The following B3GALT1 variants were observed in gnomAD, a reference collection of about 807,000 sequenced individuals.
B3GALT1 encodes the protein beta-1,3-galactosyltransferase 1.
A neutral mutation model predicts 23.2 loss-of-function variants in B3GALT1; 10 were observed. The ratio of observed to expected loss-of-function variants is 0.43; its 90% CI spans 0.27 to 0.73. The LOEUF is 0.73. Ranked by LOEUF, B3GALT1 falls within the 30% of genes least tolerant of loss-of-function variation. The pLI is 0.21. For missense variants in B3GALT1, 299 were observed against 405.4 expected, an observed-to-expected ratio of 0.74 and a Z score of 2.25; for synonymous variants, 156 against 141.5, an observed-to-expected ratio of 1.10 and a Z score of -0.73.
At chr2:167,624,409 C>T (rs1482203204) in intron 2 of B3GALT1, among the ~76,000 whole-genome samples, 1 of 152,050 alleles carries the variant, frequency 6.6e-6, no homozygotes, top group African/African-American at 2.4e-5. Flanking sequence ...TGTAGCTAAA[C>T]ACTCATAGGA....
chr2:167,862,796 A>G (rs927350984), intron 4 of B3GALT1: 1 of 152,204 alleles, frequency 6.6e-6, no homozygotes, highest in Non-Finnish European at 1.5e-5. Flanking sequence ...TCTACCATGC[A>G]GTTTCTAGGA....
At chr2:167,321,198 G>GA (rs1391132823) in intron 1 of B3GALT1, among the ~76,000 whole-genome samples, 2 of 151,762 alleles carry the variant, frequency 1.3e-5, no homozygotes, top group South Asian at 2.1e-4. Context: ...TAAAATTACA[G>GA]AAAAAACCTA....
At position 167,716,059 on chromosome 2, in the gene B3GALT1, C is replaced by T. The variant is rs1687139873; in HGVS notation, c.-352+69093C>T. On this transcript the variant is annotated intron_variant, in intron 3 of 4. Coordinates refer to ENST00000392690, the MANE Select transcript of B3GALT1 (RefSeq NM_020981.4). ...TAGGGCCGAGCGGTAGCGCCGGGCT[C>T]CTCCATAGCGCCAAGCTGCTCTGGC... The T allele has an allele frequency of 2.5e-6, 4 of 1,588,094 alleles. No individual in the cohort carries two copies. The South Asian group carries it at 3.3e-5, about 13-fold the overall frequency.
chr2:167,564,331 C>T (rs1230232451), intron 2 of B3GALT1, among the ~76,000 whole-genome samples: 1 of 150,788 alleles, frequency 6.6e-6, no homozygotes, highest in African/African-American at 2.4e-5. Flanking sequence ...CGCTCCCCAC[C>T]TCCTAGATGG....
intron 1 of B3GALT1, among the ~76,000 whole-genome samples, chr2:167,310,127 G>A (rs560381200): frequency 6.6e-6 from 1 of 152,010 alleles, no homozygotes; most frequent in Non-Finnish European, 1.5e-5. Flanking sequence ...TATCTCAAAA[G>A]CAATAGACAA....
chr2:167,486,473 G>A (rs534870717), intron 1 of B3GALT1, among the ~76,000 whole-genome samples: 46 of 151,106 alleles, frequency 3.0e-4, no homozygotes, highest in Admixed American at 9.2e-4. Flanking sequence ...CCTGCCCAGC[G>A]CTTTGGGAGG....
intron 1 of B3GALT1, among the ~76,000 whole-genome samples, chr2:167,425,820 T>C (rs1216527262): frequency 6.6e-6 from 1 of 152,238 alleles, no homozygotes; most frequent in Non-Finnish European, 1.5e-5. Context: ...AGGAGATGCA[T>C]GTGCGAAACC....
chr2:167,347,772 T>A (rs1178081734), intron 1 of B3GALT1, among the ~76,000 whole-genome samples: 2 of 152,258 alleles, frequency 1.3e-5, no homozygotes, highest in African/African-American at 2.4e-5. Flanking sequence ...TATGGAAATT[T>A]AAAAAATTAT....
chr2:167,546,402 G>A (rs139761608), intron 2 of B3GALT1, among the ~76,000 whole-genome samples: 67 of 152,264 alleles, frequency 4.4e-4, no homozygotes, highest in African/African-American at 1.6e-3. Flanking sequence ...AATACCTCTA[G>A]TTGCTAGTTC....
At chr2:167,852,297 A>T (rs1393345760) in intron 4 of B3GALT1, among the ~76,000 whole-genome samples, 1 of 152,188 alleles carries the variant, frequency 6.6e-6, no homozygotes, top group Non-Finnish European at 1.5e-5. Context: ...GATAAGACGG[A>T]TATAATCACA....
intron 2 of B3GALT1, among the ~76,000 whole-genome samples, chr2:167,543,490 A>T (rs1157555974): frequency 6.6e-6 from 1 of 152,184 alleles, no homozygotes; most frequent in East Asian, 1.9e-4. Flanking sequence ...ATATAAAAAG[A>T]TGTCTGAAAA....
intron 3 of B3GALT1, among the ~76,000 whole-genome samples, chr2:167,712,123 A>G (rs935629881): frequency 1.8e-4 from 27 of 152,096 alleles, no homozygotes; most frequent in Middle Eastern, 3.4e-3. Flanking sequence ...CTCTTTCTGA[A>G]TGGTTATGTG....
intron 4 of B3GALT1, among the ~76,000 whole-genome samples, chr2:167,831,531 A>G (rs1388615983): frequency 4.6e-5 from 7 of 152,214 alleles, no homozygotes; most frequent in Non-Finnish European, 1.0e-4. Flanking sequence ...ACTTGTGGCC[A>G]AAAAATTAGA....
intron 1 of B3GALT1, among the ~76,000 whole-genome samples, chr2:167,412,533 G>A (rs1460075060): frequency 6.6e-6 from 1 of 152,096 alleles, no homozygotes; most frequent in Non-Finnish European, 1.5e-5. Flanking sequence ...AAGAAGACTT[G>A]AATCTACAAC....
chr2:167,467,180 A>G (rs1699361838), intron 1 of B3GALT1, among the ~76,000 whole-genome samples: 3 of 151,950 alleles, frequency 2.0e-5, no homozygotes, highest in Non-Finnish European at 4.4e-5. Flanking sequence ...GGGAAGGGAT[A>G]TTAAGAAAAA....
rs1381736496 is a variant in B3GALT1 at position 167,700,416 on chromosome 2, A to G, written c.-352+53450A>G. Among the ~76,000 whole-genome samples the G allele has an allele frequency of 2.0e-5, 3 of 152,138 alleles. No individual in the cohort carries two copies. In the East Asian group the frequency reaches 5.8e-4, roughly 29 times the overall value. On this transcript the variant is annotated intron_variant, in intron 3 of 4. Coordinates refer to ENST00000392690, the MANE Select transcript of B3GALT1 (RefSeq NM_020981.4). ...ATAATCTAGAGAATCACTCCTTTTC[A>G]TTGAAAAACAAAAGGATATGGCCAC... is the stretch of plus-strand genomic sequence containing the variant.
intron 3 of B3GALT1, among the ~76,000 whole-genome samples, chr2:167,654,509 CT>C (rs201988773): frequency 0.031 from 4,730 of 151,840 alleles, 81 homozygotes; most frequent in Middle Eastern, 0.078. Flanking sequence ...CTCTCTCTTT[CT>C]TTTTTTTGAG....
chr2:167,842,428 CGTAA>C (rs1204820600), intron 4 of B3GALT1, among the ~76,000 whole-genome samples: 7 of 152,164 alleles, frequency 4.6e-5, no homozygotes, highest in African/African-American at 1.7e-4. Flanking sequence ...TGAAATAAAT[CGTAA>C]GTGACTACTG....
chr2:167,662,571 C>T (rs988879888), intron 3 of B3GALT1, among the ~76,000 whole-genome samples: 1 of 152,132 alleles, frequency 6.6e-6, no homozygotes, highest in Non-Finnish European at 1.5e-5. Flanking sequence ...TTTACTACCT[C>T]CCTGCTTCCA....
Sources: allele counts gnomAD v4.1 joint callset (sites outside exome capture counted in the v4.1 genomes callset), GRCh38; gene constraint gnomAD v4.1.1; transcripts MANE v1.5; gene names NCBI Gene and HGNC (gene_info 2026-07-23, HGNC 2026-07-21).